The following CEP350 variants were observed in gnomAD, a reference collection of about 807,000 sequenced individuals.
CEP350 encodes centrosomal protein 350, also known as centrosome-associated protein 350.
Under a neutral mutation model 331.8 loss-of-function variants are expected in CEP350, and 126 were observed. The observed-to-expected ratio is 0.38, with a 90% CI of 0.33 to 0.44. The LOEUF is 0.44. CEP350 is among the 20% of genes least tolerant of loss of function. CEP350 has a pLI of 1.00. For synonymous variants in CEP350, 1,200 were observed against 1,259.5 expected, an observed-to-expected ratio of 0.95 and a Z score of 1.00; for missense variants, 3,406 against 3,634.6, an observed-to-expected ratio of 0.94 and a Z score of 1.62.
chr1:180,104,830 A>G (rs1661053686), intron 37 of CEP350, among the ~76,000 whole-genome samples: 1 of 152,122 alleles, frequency 6.6e-6, no homozygotes, highest in African/African-American at 2.4e-5. Context: ...AGCAGTTTTA[A>G]TCCGCCACCT....
intron 1 of CEP350, chr1:179,968,962 G>A: frequency 2.6e-6 from 2 of 758,068 alleles, no homozygotes; most frequent in Non-Finnish European, 4.8e-6. Context: ...CTTTACTCCT[G>A]GAACCTTCAC....
intron 36 of CEP350, among the ~76,000 whole-genome samples, chr1:180,097,994 G>A (rs1660574343): frequency 6.6e-6 from 1 of 152,108 alleles, no homozygotes; most frequent in Non-Finnish European, 1.5e-5. Flanking sequence ...TCTTGAGGTG[G>A]AGTTTCACTC....
intron 17 of CEP350, among the ~76,000 whole-genome samples, chr1:180,040,645 A>T (rs113256141): frequency 0.12 from 17,938 of 149,264 alleles, 1,132 homozygotes; most frequent in South Asian, 0.17. Flanking sequence ...GATGAAAAAA[A>T]AAATATATAT....
intron 30 of CEP350, among the ~76,000 whole-genome samples, chr1:180,082,818 C>G (rs1659657091): frequency 6.6e-6 from 1 of 151,842 alleles, no homozygotes; most frequent in Non-Finnish European, 1.5e-5. Flanking sequence ...GAAACTAAGC[C>G]TGTAAGAGTG....
chr1:180,107,525 G>A (rs1413963550), intron 37 of CEP350, among the ~76,000 whole-genome samples: 1 of 152,124 alleles, frequency 6.6e-6, no homozygotes, highest in Non-Finnish European at 1.5e-5. Context: ...AAAATTAGCC[G>A]GGCATAGTGG....
intron 37 of CEP350, among the ~76,000 whole-genome samples, chr1:180,101,017 C>T (rs965641398): frequency 3.3e-5 from 5 of 152,178 alleles, no homozygotes; most frequent in Admixed American, 6.5e-5. Context: ...CAGTAGGTGC[C>T]AAACAGGGTC....
At chr1:179,988,037 C>T (rs1189796486) in intron 3 of CEP350, among the ~76,000 whole-genome samples, 1 of 152,092 alleles carries the variant, frequency 6.6e-6, no homozygotes, top group South Asian at 2.1e-4. Context: ...GTGGCTCATC[C>T]TGTAATCCCA....
chr1:180,092,610 T>C lies in CEP350; in HGVS notation c.6509-4T>C. ...TTGATGTGGTGATTTGTTTTTTCTT[T>C]AAGATGCTTCACTGTCTGGTTCTGA... is the stretch of plus-strand genomic sequence containing the variant. On this transcript the variant is annotated splice_polypyrimidine_tract_variant and splice_region_variant and intron_variant, in intron 33 of 37. Coordinates refer to ENST00000367607, the MANE Select transcript of CEP350 (RefSeq NM_014810.5). 6.7e-7 allele frequency: 1 copy of C among 1,497,916 alleles called. No individual in the cohort carries two copies. The highest frequency in any genetic ancestry group is 8.9e-7 in the Non-Finnish European group (1 of 1,120,564). 92.8% of individuals were successfully genotyped at this position (1,497,916 alleles called of 1,614,324 possible).
intron 1 of CEP350, among the ~76,000 whole-genome samples, chr1:179,981,253 AC>A (rs1652255523): frequency 6.6e-6 from 1 of 152,204 alleles, no homozygotes. Context: ...AAAAGATAAT[AC>A]ACAAATGTCC....
chr1:179,996,608 G>A lies in CEP350; in HGVS notation c.451G>A (p.Val151Ile), dbSNP rs768420611. The change falls in exon 6 of 38, where the codon GTA becomes ATA. Residue 151 changes from valine (V) to isoleucine (I), a missense_variant. Physicochemically the swap from Val to Ile is conservative, Grantham distance 29 (BLOSUM62 3). Coordinates refer to ENST00000367607, the MANE Select transcript of CEP350 (RefSeq NM_014810.5). ...TTCCAGCCATCTGGAATCAAAGCAC[G>A]TATACTGTGTAGATGTTAATGAAGA... Reference protein sequence around the residue: ...FSSSHLESKHVYCVDVNEEKT... With the variant: ...FSSSHLESKHIYCVDVNEEKT... 2.0e-5 allele frequency: 32 copies of A among 1,602,608 alleles called. 1 individual carries two copies. The highest frequency in any genetic ancestry group is 3.3e-4 in the Middle Eastern group (2 of 6,080).
chr1:180,058,849 G>T (rs1658021534), intron 25 of CEP350, among the ~76,000 whole-genome samples: 1 of 152,082 alleles, frequency 6.6e-6, no homozygotes, highest in South Asian at 2.1e-4. Context: ...GTAGCAGTAA[G>T]AATTCTTTTG....
chr1:179,986,090 A>G (rs1652626650), intron 1 of CEP350, 79 bp from the exon 2 acceptor site: 10 of 1,173,224 alleles, frequency 8.5e-6, no homozygotes, highest in Non-Finnish European at 4.9e-6. Context: ...TAGTCATAAT[A>G]TAATTTTTAA....
chr1:180,114,457 A>T lies in CEP350; in HGVS notation c.*3296A>T, dbSNP rs959843796. 2 of 152,654 alleles carry T rather than the reference A, an allele frequency of 1.3e-5. No homozygotes were observed. The highest frequency in any genetic ancestry group is 4.8e-5 in the African/African-American group (2 of 41,460). The allele number at this position is 152,654 out of a possible 1,614,324, so 9.5% of individuals were successfully genotyped here. On this transcript the variant is annotated 3_prime_UTR_variant, in exon 38 of 38. Coordinates refer to ENST00000367607, the MANE Select transcript of CEP350 (RefSeq NM_014810.5). The stretch of plus-strand genomic sequence containing the variant: ...AACTGGTTGTGCAGCAATTCAATAA[A>T]ATATCTTTGTATTATAAAAATGTGA...
intron 7 of CEP350, among the ~76,000 whole-genome samples, chr1:180,005,905 G>A (rs1029425443): frequency 1.3e-5 from 2 of 152,176 alleles, no homozygotes; most frequent in South Asian, 2.1e-4. Context: ...ATTCAGATCC[G>A]TAATTGAAGT....
Position 180,088,300 on chromosome 1 carries a change from A to G in CEP350, c.6425+583A>G, listed in dbSNP as rs1045398839. 2.6e-5 allele frequency among the ~76,000 whole-genome samples: 4 copies of G among 152,242 alleles called. No homozygotes were observed. The East Asian group carries it at 7.7e-4, about 29-fold the overall frequency. ...CTAAGTTGCAACATTAGAATATATAATATTGTGTATTAGGAAGTCAGGTTA... is the reference window on the plus strand; with the variant it reads ...CTAAGTTGCAACATTAGAATATATAGTATTGTGTATTAGGAAGTCAGGTTA... On this transcript the variant is annotated intron_variant, in intron 32 of 37. Transcript: ENST00000367607.
Position 180,111,224 on chromosome 1 carries a change from T to G in CEP350, c.*63T>G, listed in dbSNP as rs560345022. The G allele has an allele frequency of 4.8e-5, 75 of 1,573,210 alleles. No homozygotes were observed. The South Asian group carries it at 7.7e-4, about 16-fold the overall frequency. The stretch of plus-strand genomic sequence containing the variant: ...AGTCCTGGGCCTTTCTGCCTCCTGA[T>G]GTACACCCATCGCCATCATAGCAAG... On this transcript the variant is annotated 3_prime_UTR_variant, in exon 38 of 38. Coordinates refer to ENST00000367607, the MANE Select transcript of CEP350 (RefSeq NM_014810.5).
At chr1:179,969,063 C>T (rs1651237348) in intron 1 of CEP350, 2 of 718,598 alleles carry the variant, frequency 2.8e-6, no homozygotes, top group Admixed American at 3.5e-5. Flanking sequence ...AACCTACCTA[C>T]CATTGCTCTG....
At chr1:180,042,168 A>ACACG (rs397777176) in intron 19 of CEP350, among the ~76,000 whole-genome samples, 10 of 148,564 alleles carry the variant, frequency 6.7e-5, no homozygotes, top group African/African-American at 2.5e-4. Context: ...ACACACACAC[A>ACACG]TCTCCCTATA....
Position 180,093,304 on chromosome 1 carries a change from C to A in CEP350, c.7199C>A (p.Ser2400Ter). The A allele has an allele frequency of 6.3e-7, 1 of 1,597,734 alleles. No individual in the cohort carries two copies. The highest frequency in any genetic ancestry group is 1.1e-5 in the South Asian group (1 of 88,382). ...TTGTACAAAGATGATTTTGAGGTGT[C>A]ATCTTTGCTGTCACTCAGGAAAGAC... ...AELYKDDFEV[S>*]SLLSLRKDSQ... The change falls in exon 34 of 38, where the codon TCA becomes TAA. Residue 2400 changes from serine to a stop codon, truncating the protein, a stop_gained. Transcript: ENST00000367607. LOFTEE classifies it high-confidence loss of function.
Sources: allele counts gnomAD v4.1 joint callset (sites outside exome capture counted in the v4.1 genomes callset), GRCh38; gene constraint gnomAD v4.1.1; transcripts MANE v1.5; gene names NCBI Gene and HGNC (gene_info 2026-07-23, HGNC 2026-07-21).